PARPBP: variants seen among roughly 807,000 people sequenced by gnomAD.
PARPBP encodes PCNA-interacting partner.
Under a neutral mutation model 50.0 loss-of-function variants are expected in PARPBP, and 52 were observed. The observed-to-expected ratio is 1.04, with a 90% CI of 0.83 to 1.31. PARPBP has a LOEUF of 1.31. Ranked by LOEUF, PARPBP falls within the 50% of genes most tolerant of loss-of-function variation. The pLI, the probability that PARPBP is intolerant of heterozygous loss-of-function variation, is 0.00. For synonymous variants in PARPBP, 244 were observed against 232.1 expected, an observed-to-expected ratio of 1.05 and a Z score of -0.47; for missense variants, 697 against 672.0, an observed-to-expected ratio of 1.04 and a Z score of -0.41.
In PARPBP at chr12:102,120,207, T is replaced by TGCGGCGGCC; in HGVS notation, c.-78_-70dup. On this transcript the variant is annotated 5_prime_UTR_variant, in exon 1 of 11. Coordinates refer to ENST00000327680, the MANE Select transcript of PARPBP (RefSeq NM_017915.5). ...TGTATTCAGCGGCGACAGCGGCGAC[T>TGCGGCGGCC]GCGGCGGCCGCGGGAGGGCATCCCG... 1 of 231,910 alleles carries TGCGGCGGCC rather than the reference T, an allele frequency of 4.3e-6. No homozygotes were observed. Among genetic ancestry groups the TGCGGCGGCC allele is most frequent in the South Asian group, 3.7e-5 (1 of 26,710 alleles). The allele number at this position is 231,910 out of a possible 1,614,324, so 14.4% of individuals were successfully genotyped here.
At chr12:102,184,983 A>G (rs1325686556) in intron 9 of PARPBP, among the ~76,000 whole-genome samples, 1 of 152,202 alleles carries the variant, frequency 6.6e-6, no homozygotes, top group East Asian at 1.9e-4. Flanking sequence ...TCAAAGGTAG[A>G]AAATAATTAG....
intron 6 of PARPBP, among the ~76,000 whole-genome samples, chr12:102,172,559 A>G (rs944199102): frequency 6.6e-6 from 1 of 152,214 alleles, no homozygotes; most frequent in Non-Finnish European, 1.5e-5. Flanking sequence ...TAATGGAGTA[A>G]TCAGAGCACT....
chr12:102,191,401 CTG>C (rs1223388774), intron 9 of PARPBP, among the ~76,000 whole-genome samples: 1 of 151,968 alleles, frequency 6.6e-6, no homozygotes, highest in African/African-American at 2.4e-5. Flanking sequence ...TATAAAATCT[CTG>C]TTCTTTCAAA....
intron 2 of PARPBP, among the ~76,000 whole-genome samples, chr12:102,139,636 T>G (rs1884233822): frequency 6.6e-6 from 1 of 152,218 alleles, no homozygotes; most frequent in Non-Finnish European, 1.5e-5. Flanking sequence ...AATTAGCTCT[T>G]ATTATTTTGA....
Position 102,195,343 on chromosome 12 carries a change from C to T in PARPBP, c.1295C>T (p.Ala432Val). ...CAAACTTTAATTAGATCCCAATTTG[C>T]TTGTACTTATAAAGATGACTACATG... is the stretch of plus-strand genomic sequence containing the variant. ...MKQTLIRSQF[A>V]CTYKDDYMIS... The change falls in exon 10 of 11, where the codon GCT becomes GTT. Residue 432 changes from alanine to valine, a missense_variant. Physicochemically the swap from Ala to Val is moderately conservative, Grantham distance 64. Coordinates refer to ENST00000327680, the MANE Select transcript of PARPBP (RefSeq NM_017915.5). The T allele has an allele frequency of 6.4e-7, 1 of 1,572,946 alleles. No homozygotes were observed. The highest frequency in any genetic ancestry group is 8.7e-7 in the Non-Finnish European group (1 of 1,151,438).
chr12:102,138,257 G>T (rs1182731573), intron 2 of PARPBP, among the ~76,000 whole-genome samples: 1 of 152,218 alleles, frequency 6.6e-6, no homozygotes, highest in African/African-American at 2.4e-5. Context: ...GATGGCCAGT[G>T]ATGATGAGCA....
intron 8 of PARPBP, among the ~76,000 whole-genome samples, chr12:102,180,480 A>G (rs1423740746): frequency 6.6e-6 from 1 of 152,188 alleles, no homozygotes; most frequent in African/African-American, 2.4e-5. Context: ...AGACAGGAGC[A>G]TTGCCAGAGA....
At chr12:102,151,785 A>G (rs55772007) in intron 3 of PARPBP, 357,194 of 1,534,770 alleles carry the variant, frequency 0.23, 43,416 homozygotes, top group East Asian at 0.46. Context: ...AGAAGCTGGC[A>G]GCTGTCATGC....
chr12:102,187,833 G>A (rs1335032713), intron 9 of PARPBP, among the ~76,000 whole-genome samples: 1 of 152,078 alleles, frequency 6.6e-6, no homozygotes, highest in Admixed American at 6.6e-5. Flanking sequence ...TTCTCGCTAC[G>A]ATAGCAAAAC....
At chr12:102,175,230 A>G (rs1232789991) in intron 6 of PARPBP, among the ~76,000 whole-genome samples, 2 of 152,236 alleles carry the variant, frequency 1.3e-5, no homozygotes, top group East Asian at 1.9e-4. Context: ...TATTTCACAT[A>G]TAACTAAATT....
chr12:102,131,279 T>A (rs1396469233), intron 2 of PARPBP, among the ~76,000 whole-genome samples: 1 of 152,062 alleles, frequency 6.6e-6, no homozygotes, highest in African/African-American at 2.4e-5. Context: ...AAGCTGAGAT[T>A]ACACCACTGC....
chr12:102,121,909 A>G (rs1032275898), intron 1 of PARPBP, among the ~76,000 whole-genome samples: 3 of 152,208 alleles, frequency 2.0e-5, no homozygotes, highest in African/African-American at 7.2e-5. Context: ...GTGCTTTTAT[A>G]CATGCCAGGC....
chr12:102,163,932 G>C (rs920121180), intron 4 of PARPBP, among the ~76,000 whole-genome samples: 1 of 152,046 alleles, frequency 6.6e-6, no homozygotes, highest in Non-Finnish European at 1.5e-5. Flanking sequence ...GGTCTACTTG[G>C]TGACAATTTC....
chr12:102,165,806 A>G lies in PARPBP; in HGVS notation c.744A>G (p.Thr248=), dbSNP rs1888081635. 2 of 1,585,748 alleles carry G rather than the reference A, an allele frequency of 1.3e-6. No individual in the cohort carries two copies. The highest frequency in any genetic ancestry group is 1.7e-5 in the Admixed American group (1 of 59,834). The stretch of plus-strand genomic sequence containing the variant: ...CACCACCATCAGATCCTTTAAGGAC[A>G]CATGTAAAGGGATTGTCTAATTTTA... ...YAPPPSDPLR[T]HVKGLSNFIN... is the part of the protein sequence containing the mutation. The change falls in exon 6 of 11, where the codon ACA becomes ACG. Residue 248 remains threonine (T), a synonymous_variant. Transcript: ENST00000327680.
chr12:102,188,849 C>T (rs1234838136), intron 9 of PARPBP, among the ~76,000 whole-genome samples: 1 of 151,426 alleles, frequency 6.6e-6, no homozygotes, highest in Non-Finnish European at 1.5e-5. Flanking sequence ...TGACATAGAA[C>T]AAAAAAGATA....
intron 8 of PARPBP, among the ~76,000 whole-genome samples, chr12:102,182,172 A>G (rs766489046): frequency 2.0e-5 from 3 of 152,146 alleles, no homozygotes; most frequent in African/African-American, 7.2e-5. Flanking sequence ...ATGTAGAACA[A>G]TATTCTCTCA....
chr12:102,194,860 T>C (rs1028895844), intron 9 of PARPBP, among the ~76,000 whole-genome samples: 1 of 151,730 alleles, frequency 6.6e-6, no homozygotes, highest in Non-Finnish European at 1.5e-5. Context: ...TTAGCATTTC[T>C]TCCCTCCCTA....
At chr12:102,157,177 C>T (rs1029793770) in intron 4 of PARPBP, among the ~76,000 whole-genome samples, 1 of 151,888 alleles carries the variant, frequency 6.6e-6, no homozygotes, top group Admixed American at 6.6e-5. Flanking sequence ...TTGTAATACT[C>T]TTGTAATACT....
chr12:102,147,224 C>T (rs945533739), intron 2 of PARPBP, among the ~76,000 whole-genome samples: 5 of 152,100 alleles, frequency 3.3e-5, no homozygotes, highest in Non-Finnish European at 7.4e-5. Flanking sequence ...GGGTATATAC[C>T]CAAGGGACTA....
Sources: allele counts gnomAD v4.1 joint callset (sites outside exome capture counted in the v4.1 genomes callset), GRCh38; gene constraint gnomAD v4.1.1; transcripts MANE v1.5; gene names NCBI Gene and HGNC (gene_info 2026-07-23, HGNC 2026-07-21).